SEPTIN11: variants seen among roughly 807,000 people sequenced by gnomAD.
The protein encoded by SEPTIN11 is septin-11.
Under a neutral mutation model 51.4 loss-of-function variants are expected in SEPTIN11, and 25 were observed. The observed-to-expected ratio is 0.49, with a 90% confidence interval of 0.35 to 0.68. The LOEUF is 0.68. SEPTIN11 is among the 30% of genes least tolerant of loss of function. The pLI, the probability that SEPTIN11 is intolerant of heterozygous loss-of-function variation, is 0.00. For synonymous variants in SEPTIN11, 174 were observed against 184.1 expected, an observed-to-expected ratio of 0.95 and a Z score of 0.44; for missense variants, 381 against 520.8, an observed-to-expected ratio of 0.73 and a Z score of 2.61.
At chr4:76,995,935 TATGGTAGGTAGAGC>T (rs1483377577) in intron 1 of SEPTIN11, 6 of 1,535,570 alleles carry the variant, frequency 3.9e-6, no homozygotes, top group Non-Finnish European at 3.5e-6. Flanking sequence ...ATGCTGCATT[TATGGTAGGTAGAGC>T]ATTGTCATCA....
At chr4:77,033,455 T>C (rs922392659) in intron 9 of SEPTIN11, among the ~76,000 whole-genome samples, 2 of 152,250 alleles carry the variant, frequency 1.3e-5, no homozygotes, top group Admixed American at 6.5e-5. Flanking sequence ...GACACGCTCC[T>C]TTTTTAATGT....
intron 1 of SEPTIN11, among the ~76,000 whole-genome samples, chr4:76,983,178 T>C (rs929579898): frequency 1.3e-5 from 2 of 152,190 alleles, no homozygotes; most frequent in Non-Finnish European, 2.9e-5. Flanking sequence ...GAAATGGAGA[T>C]TGACCTGGGT....
At chr4:77,009,872 C>T (rs1416864329) in intron 3 of SEPTIN11, 1 of 152,298 alleles carries the variant, frequency 6.6e-6, no homozygotes, top group African/African-American at 2.4e-5. Context: ...GAAGGATCAG[C>T]CCCAGACTCA....
intron 3 of SEPTIN11, among the ~76,000 whole-genome samples, chr4:77,006,859 A>G (rs1724510554): frequency 6.6e-6 from 1 of 152,246 alleles, no homozygotes; most frequent in African/African-American, 2.4e-5. Flanking sequence ...TGAGCACCAC[A>G]GTAATGACAG....
At chr4:76,996,383 AT>A (rs1349204807) in intron 1 of SEPTIN11, 41 bp from the exon 2 acceptor site, 1 of 1,329,548 alleles carries the variant, frequency 7.5e-7, no homozygotes, top group Non-Finnish European at 1.1e-6. Context: ...TCCAGGTGGC[AT>A]GGTTCATGGA....
intron 1 of SEPTIN11, among the ~76,000 whole-genome samples, chr4:76,976,702 T>C (rs1323575050): frequency 6.6e-6 from 1 of 152,236 alleles, no homozygotes; most frequent in Admixed American, 6.5e-5. Context: ...CCAATACCTC[T>C]AGTGAGGTTT....
intron 7 of SEPTIN11, chr4:77,021,457 C>A (rs1725715709): frequency 1.3e-5 from 2 of 152,594 alleles, no homozygotes; most frequent in Admixed American, 6.5e-5. Context: ...CCAGATGGTG[C>A]CCAAGCAGTT....
At chr4:76,981,850 T>G (rs1035904776) in intron 1 of SEPTIN11, among the ~76,000 whole-genome samples, 8 of 152,136 alleles carry the variant, frequency 5.3e-5, no homozygotes, top group African/African-American at 9.7e-5. Flanking sequence ...GAGGCAATTC[T>G]ATACTCATGA....
chr4:77,038,666 A>G (rs1239057935), downstream of SEPTIN11: 1 of 1,007,962 alleles, frequency 9.9e-7, no homozygotes, highest in Non-Finnish European at 1.2e-6. Flanking sequence ...TGGTTTGCAT[A>G]TGTACACGTG....
chr4:77,019,828 A>C lies in SEPTIN11; in HGVS notation c.784+567A>C, dbSNP rs548744277. 4.6e-5 allele frequency among the ~76,000 whole-genome samples: 7 copies of C among 152,336 alleles called. No individual in the cohort carries two copies. In the South Asian group the frequency reaches 6.2e-4, roughly 14 times the overall value. ...TGAAGGAGGACATCCAGTGCTATGG[A>C]TTAAGCAGGATGGCTAAAGAAAGTT... On this transcript the variant is annotated intron_variant, in intron 6 of 9. Transcript: ENST00000264893.
rs1296069168 is a variant in SEPTIN11, at chr4:76,959,111, T to C, written c.27+9181T>C. ...GGCTGAGAAGTCAACTACAAGTTTA[T>C]TGCCTGCGGTGTCCAAGGCTTCCTG... On this transcript the variant is annotated intron_variant, in intron 1 of 9. Coordinates refer to ENST00000264893, the MANE Select transcript of SEPTIN11 (RefSeq NM_018243.4). 9.4e-6 allele frequency: 6 copies of C among 639,978 alleles called. No individual in the cohort carries two copies. In the East Asian group the frequency reaches 1.7e-4, roughly 18 times the overall value. 39.6% of individuals were successfully genotyped at this position (639,978 alleles called of 1,614,324 possible).
chr4:77,039,440 G>A, downstream of SEPTIN11: 1 of 1,028,252 alleles, frequency 9.7e-7, no homozygotes, highest in African/African-American at 1.7e-5. Context: ...AAGAACTGAT[G>A]GACTGAAGAC....
chr4:76,985,944 C>T (rs1011788115), intron 1 of SEPTIN11, among the ~76,000 whole-genome samples: 4 of 152,112 alleles, frequency 2.6e-5, no homozygotes, highest in African/African-American at 9.7e-5. Context: ...TGGAAACCAG[C>T]TGGTAGTAGA....
chr4:76,983,038 A>T (rs1231096857), intron 1 of SEPTIN11, among the ~76,000 whole-genome samples: 2 of 152,088 alleles, frequency 1.3e-5, no homozygotes, highest in Non-Finnish European at 2.9e-5. Context: ...TGTTGAAATA[A>T]TGTATACTTT....
At chr4:76,983,936 G>C (rs536993066) in intron 1 of SEPTIN11, among the ~76,000 whole-genome samples, 2 of 152,304 alleles carry the variant, frequency 1.3e-5, no homozygotes, top group South Asian at 4.1e-4. Flanking sequence ...GAACCCTGGA[G>C]GCGGAGGTTG....
chr4:77,001,252 A>C (rs1449569646), intron 2 of SEPTIN11, among the ~76,000 whole-genome samples: 2 of 152,224 alleles, frequency 1.3e-5, no homozygotes, highest in Non-Finnish European at 2.9e-5. Context: ...TAGGCAGATG[A>C]ATTTATGATA....
chr4:77,026,003 CA>C (rs1374854402), intron 7 of SEPTIN11, among the ~76,000 whole-genome samples: 3 of 152,176 alleles, frequency 2.0e-5, no homozygotes, highest in Admixed American at 6.5e-5. Flanking sequence ...CTGCAGGTTT[CA>C]CTATAAAAAG....
chr4:77,037,673 T>A lies in SEPTIN11; in HGVS notation c.*3161T>A, dbSNP rs940413927. ...TATCTTTTGTTCAAACATAATACCA[T>A]CTTTTTGCTTCTTCTGAACTTTAGA... On this transcript the variant is annotated 3_prime_UTR_variant, in exon 10 of 10. Transcript: ENST00000264893. 1.0e-6 allele frequency: 1 copy of A among 985,812 alleles called. No individual in the cohort carries two copies. Among genetic ancestry groups the A allele is most frequent in the Non-Finnish European group, 1.2e-6 (1 of 829,932 alleles). The allele number at this position is 985,812 out of a possible 1,614,324, so 61.1% of individuals were successfully genotyped here. A position where few individuals can be genotyped will look rare whatever the true frequency, so the allele number is the denominator to read the frequency against.
At chr4:76,965,361 G>A (rs1721991943) in intron 1 of SEPTIN11, among the ~76,000 whole-genome samples, 1 of 150,742 alleles carries the variant, frequency 6.6e-6, no homozygotes, top group African/African-American at 2.4e-5. Flanking sequence ...TGAGGATGGA[G>A]AATCACTTGA....
Sources: allele counts gnomAD v4.1 joint callset (sites outside exome capture counted in the v4.1 genomes callset), GRCh38; gene constraint gnomAD v4.1.1; transcripts MANE v1.5; gene names NCBI Gene and HGNC (gene_info 2026-07-23, HGNC 2026-07-21).